PTPRQ: variants seen among roughly 807,000 people sequenced by gnomAD.
PTPRQ encodes the protein phosphatidylinositol phosphatase PTPRQ.
PTPRQ carries 199 observed loss-of-function variants against 246.0 expected under a neutral mutation model. The observed-to-expected ratio is 0.81, with a 90% confidence interval of 0.72 to 0.91. The LOEUF is 0.91. Among genes scored for constraint, PTPRQ ranks in the 40% least tolerant of loss-of-function variants. The pLI, the probability that PTPRQ is intolerant of heterozygous loss-of-function variation, is 0.00. For synonymous variants in PTPRQ, 869 were observed against 853.2 expected, an observed-to-expected ratio of 1.02 and a Z score of -0.32; for missense variants, 2,624 against 2,528.4, an observed-to-expected ratio of 1.04 and a Z score of -0.81.
At chr12:80,656,874 C>T (rs1458410059) in intron 38 of PTPRQ, among the ~76,000 whole-genome samples, 4 of 119,224 alleles carry the variant, frequency 3.4e-5, no homozygotes, top group Admixed American at 3.0e-4. Context: ...TACCTCATTC[C>T]TCAAAAAAAA....
Position 80,610,569 on chromosome 12 carries a change from C to A in PTPRQ, c.4862C>A (p.Ala1621Asp). 1 of 1,543,578 alleles carries A rather than the reference C, an allele frequency of 6.5e-7. No homozygotes were observed. Residue 1621 changes from alanine to aspartate, a missense_variant, in exon 28 of 45, where the codon GCT becomes GAT. Coordinates refer to ENST00000644991, the MANE Select transcript of PTPRQ (RefSeq NM_001145026.2). ...VITAFTGNIS[A>D]AYVEGKSSAE... Reference sequence around the variant, plus strand: ...ACTGCATTTACTGGGAACATTAGTGCTGCATATGTAGAAGGGAAGTCAAGT... The same window carrying A: ...ACTGCATTTACTGGGAACATTAGTGATGCATATGTAGAAGGGAAGTCAAGT...
In PTPRQ at chr12:80,510,309, C is replaced by A. The variant is rs1895085627; in HGVS notation, c.2558-14C>A. 7 of 1,535,890 alleles carry A rather than the reference C, an allele frequency of 4.6e-6. No individual in the cohort carries two copies. The East Asian group carries it at 1.7e-4, about 38-fold the overall frequency. ...GTTTAATAAAACACATTATTCTATACCCTAACTTTACAGCTCCTGATTCTC... is the reference window on the plus strand; with the variant it reads ...GTTTAATAAAACACATTATTCTATAACCTAACTTTACAGCTCCTGATTCTC... On this transcript the variant is annotated splice_polypyrimidine_tract_variant and intron_variant, in intron 16 of 44. Transcript: ENST00000644991.
chr12:80,563,264 C>T (rs915397515), intron 25 of PTPRQ, among the ~76,000 whole-genome samples: 10 of 152,062 alleles, frequency 6.6e-5, no homozygotes, highest in African/African-American at 9.7e-5. Context: ...GGCCCATTTT[C>T]GTGTTCATAG....
chr12:80,536,400 G>C (rs1895989403), intron 19 of PTPRQ, among the ~76,000 whole-genome samples: 1 of 152,222 alleles, frequency 6.6e-6, no homozygotes, highest in Admixed American at 6.5e-5. Context: ...GGCAAGAGCA[G>C]AACTTGCAAG....
chr12:80,468,083 G>A (rs1893498915), intron 6 of PTPRQ, among the ~76,000 whole-genome samples: 1 of 151,994 alleles, frequency 6.6e-6, no homozygotes, highest in Non-Finnish European at 1.5e-5. Context: ...ATTTTGTTTT[G>A]AAAAATATTT....
intron 8 of PTPRQ, among the ~76,000 whole-genome samples, chr12:80,477,146 C>T (rs550577922): frequency 6.9e-4 from 105 of 152,148 alleles, no homozygotes; most frequent in African/African-American, 2.4e-3. Flanking sequence ...TTAGTTTGTT[C>T]CTATTTTTAT....
At chr12:80,626,192 A>G (rs1015040651) in intron 33 of PTPRQ, among the ~76,000 whole-genome samples, 3 of 152,172 alleles carry the variant, frequency 2.0e-5, no homozygotes, top group Non-Finnish European at 2.9e-5. Context: ...CCAGAGGAAC[A>G]GAGGAAGATT....
Position 80,663,832 on chromosome 12 carries a change from T to C in PTPRQ, c.6193-5175T>C, listed in dbSNP as rs201303977. 2.0e-5 allele frequency among the ~76,000 whole-genome samples: 3 copies of C among 151,940 alleles called. No homozygotes were observed. In the East Asian group the frequency reaches 5.8e-4, roughly 29 times the overall value. ...TCTTGATTGCAGATGTCTCACTATC[T>C]GTCCAAATCCTTCTTTCCAGATCAC... On this transcript the variant is annotated intron_variant, in intron 39 of 44. Transcript: ENST00000644991.
At chr12:80,665,074 A>G (rs983418996) in intron 39 of PTPRQ, among the ~76,000 whole-genome samples, 5 of 152,104 alleles carry the variant, frequency 3.3e-5, no homozygotes, top group Admixed American at 3.3e-4. Flanking sequence ...AGGAGCAAGG[A>G]AGCCAGTCTA....
chr12:80,650,648 T>G (rs979789025), intron 37 of PTPRQ, among the ~76,000 whole-genome samples: 2 of 150,508 alleles, frequency 1.3e-5, no homozygotes, highest in Non-Finnish European at 3.0e-5. Context: ...TTGGTTATGC[T>G]TCTTAAGAAA....
intron 17 of PTPRQ, among the ~76,000 whole-genome samples, chr12:80,524,197 T>G (rs1416527607): frequency 5.3e-5 from 8 of 152,250 alleles, no homozygotes; most frequent in Non-Finnish European, 7.3e-5. Flanking sequence ...CCCTGCCTTT[T>G]CTTGTTTTCC....
chr12:80,628,591 T>C (rs1038378893), intron 33 of PTPRQ, among the ~76,000 whole-genome samples: 1 of 152,160 alleles, frequency 6.6e-6, no homozygotes, highest in Admixed American at 6.6e-5. Flanking sequence ...ATTTTTAATC[T>C]TTTTCAAAAT....
At chr12:80,496,196 G>A in intron 13 of PTPRQ, 54 bp from the exon 14 acceptor site, 2 of 1,541,992 alleles carry the variant, frequency 1.3e-6, no homozygotes, top group Non-Finnish European at 1.7e-6. Context: ...AGGGTCTAAA[G>A]CAACAAACAT....
chr12:80,555,711 G>T (rs1896624928), intron 25 of PTPRQ, among the ~76,000 whole-genome samples: 1 of 152,132 alleles, frequency 6.6e-6, no homozygotes, highest in Non-Finnish European at 1.5e-5. Context: ...ATATCTAATT[G>T]AAATTCAGGT....
At chr12:80,464,170 G>T (rs1422261955) in intron 6 of PTPRQ, among the ~76,000 whole-genome samples, 1 of 150,082 alleles carries the variant, frequency 6.7e-6, no homozygotes. Flanking sequence ...AAGGATGGAG[G>T]AAGATCTACC....
chr12:80,656,876 CA>C (rs113862574), intron 38 of PTPRQ, among the ~76,000 whole-genome samples: 33,480 of 113,416 alleles, frequency 0.3, 6,718 homozygotes, highest in African/African-American at 0.59. Context: ...CCTCATTCCT[CA>C]AAAAAAAAAA....
intron 8 of PTPRQ, among the ~76,000 whole-genome samples, chr12:80,479,726 C>G (rs1241919603): frequency 1.3e-5 from 2 of 149,550 alleles, no homozygotes; most frequent in Non-Finnish European, 3.0e-5. Context: ...GGGTTGCAAT[C>G]CTAGTCTCTG....
At chr12:80,574,571 G>T (rs1057188208) in intron 25 of PTPRQ, among the ~76,000 whole-genome samples, 1 of 151,828 alleles carries the variant, frequency 6.6e-6, no homozygotes, top group Non-Finnish European at 1.5e-5. Context: ...TTTTAGCTAT[G>T]TTTCTTTGTA....
chr12:80,447,687 T>G (rs1892595842), intron 3 of PTPRQ, among the ~76,000 whole-genome samples: 1 of 150,572 alleles, frequency 6.6e-6, no homozygotes, highest in South Asian at 2.1e-4. Flanking sequence ...TTTTGTCAAC[T>G]TTGTCAAAAA....
Sources: allele counts gnomAD v4.1 joint callset (sites outside exome capture counted in the v4.1 genomes callset), GRCh38; gene constraint gnomAD v4.1.1; transcripts MANE v1.5; gene names NCBI Gene and HGNC (gene_info 2026-07-23, HGNC 2026-07-21).